CFI: variants seen among roughly 807,000 people sequenced by gnomAD.
The protein encoded by CFI is complement factor I.
Under a neutral mutation model 78.8 loss-of-function variants are expected in CFI, and 66 were observed. The observed-to-expected ratio is 0.84, with a 90% CI of 0.69 to 1.03. CFI has a LOEUF of 1.03. CFI is among the 50% of genes least tolerant of loss of function. The pLI is 0.00. For synonymous variants in CFI, 250 were observed against 232.6 expected, an observed-to-expected ratio of 1.07 and a Z score of -0.68; for missense variants, 706 against 704.5, an observed-to-expected ratio of 1.00 and a Z score of -0.02.
At chr4:109,795,362 T>C (rs115620342) in intron 1 of CFI, among the ~76,000 whole-genome samples, 203 of 152,292 alleles carry the variant, frequency 1.3e-3, no homozygotes, top group African/African-American at 4.6e-3. Context: ...GCTGACTGAT[T>C]TGTGAAAGAC....
chr4:109,795,429 T>G (rs1447812819), intron 1 of CFI, among the ~76,000 whole-genome samples: 1 of 152,034 alleles, frequency 6.6e-6, no homozygotes, highest in Non-Finnish European at 1.5e-5. Flanking sequence ...TCTTCAAACA[T>G]CCAGACATTA....
the CFI span, among the ~76,000 whole-genome samples, chr4:109,732,725 C>T: frequency 1.3e-5 from 2 of 151,716 alleles, no homozygotes; most frequent in African/African-American, 2.4e-5. Flanking sequence ...GGCATGGTGG[C>T]GGGCACCTGT....
chr4:109,774,046 T>C (rs1375478665), intron 1 of CFI, among the ~76,000 whole-genome samples: 2 of 152,234 alleles, frequency 1.3e-5, no homozygotes, highest in Admixed American at 1.3e-4. Context: ...TTTATTGATT[T>C]ATATGTTTTA....
intron 7 of CFI, 109 bp from the exon 8 acceptor site, chr4:109,752,612 C>T: frequency 1.1e-6 from 1 of 914,384 alleles, no homozygotes; most frequent in Non-Finnish European, 1.7e-6. Flanking sequence ...AAAACTTATC[C>T]TCCCTTTTAT....
At chr4:109,767,982 G>T (rs1727997485) in intron 1 of CFI, among the ~76,000 whole-genome samples, 1 of 151,822 alleles carries the variant, frequency 6.6e-6, no homozygotes, top group Non-Finnish European at 1.5e-5. Context: ...GTCCTTTGTA[G>T]GGACATGGAT....
chr4:109,790,490 T>C (rs1366336925), intron 1 of CFI, among the ~76,000 whole-genome samples: 1 of 152,104 alleles, frequency 6.6e-6, no homozygotes, highest in African/African-American at 2.4e-5. Context: ...GTTATGTAGG[T>C]AAACTCGTGT....
intron 11 of CFI, 133 bp downstream of exon 11, chr4:109,746,089 A>G (rs1724378066): frequency 1.8e-6 from 2 of 1,105,834 alleles, no homozygotes; most frequent in African/African-American, 3.1e-5. Context: ...GAAGCCAGCC[A>G]TGGCTGGATG....
chr4:109,759,936 T>TACAAACAA (rs56874026), intron 6 of CFI, among the ~76,000 whole-genome samples: 5 of 151,858 alleles, frequency 3.3e-5, no homozygotes, highest in Admixed American at 1.3e-4. Context: ...CCAACAAACA[T>TACAAACAA]ACAAACAAAC....
chr4:109,736,320 A>C (rs546574250), downstream of CFI, among the ~76,000 whole-genome samples: 1 of 152,290 alleles, frequency 6.6e-6, no homozygotes, highest in East Asian at 1.9e-4. Context: ...AGTCAGCCTA[A>C]TACAGGAAAG....
In CFI at chr4:109,766,724, C is replaced by T. The variant is rs1727807483; in HGVS notation, c.158G>A (p.Arg53Lys). The T allele has an allele frequency of 6.2e-7, 1 of 1,614,214 alleles. No homozygotes were observed. The highest frequency in any genetic ancestry group is 1.1e-5 in the South Asian group (1 of 91,090). Residue 53 changes from arginine (R) to lysine (K), a missense_variant, in exon 2 of 13, where the codon AGA becomes AAA. Arg to Lys is a conservative substitution (Grantham distance 26). Transcript: ENST00000394634. ...ACAAACACAGGTGCCCTCAATGCAT[C>T]TCTGCCATGGCTGGCAGAAGACTTT... ...CDKVFCQPWQ[R>K]CIEGTCVCKL...
chr4:109,784,584 AC>A (rs1250910822), intron 1 of CFI, among the ~76,000 whole-genome samples: 2 of 152,148 alleles, frequency 1.3e-5, no homozygotes, highest in Admixed American at 6.6e-5. Flanking sequence ...CCAATGAAAA[AC>A]AAAAAATGTC....
chr4:109,745,789 A>G (rs1724335059), intron 11 of CFI, among the ~76,000 whole-genome samples: 1 of 152,130 alleles, frequency 6.6e-6, no homozygotes. Flanking sequence ...TCTCCCCAAC[A>G]AATCCAAACA....
chr4:109,771,648 A>G, intron 1 of CFI, among the ~76,000 whole-genome samples: 1 of 128,016 alleles, frequency 7.8e-6, no homozygotes, highest in Non-Finnish European at 1.6e-5. Context: ...AAGGAGGTGG[A>G]GGTTGCAGTG....
intron 1 of CFI, among the ~76,000 whole-genome samples, chr4:109,790,505 G>A (rs1277983007): frequency 1.3e-5 from 2 of 151,966 alleles, no homozygotes; most frequent in African/African-American, 4.8e-5. Flanking sequence ...TCGTGTCATG[G>A]GGGTTTGTTG....
At position 109,749,672 on chromosome 4, in the gene CFI, T is replaced by G. The variant is rs575334398; in HGVS notation, c.941-70A>C. 14 of 951,236 alleles carry G rather than the reference T, an allele frequency of 1.5e-5. No homozygotes were observed. In the South Asian group the frequency reaches 1.8e-4, roughly 12 times the overall value. 58.9% of individuals were successfully genotyped at this position (951,236 alleles called of 1,614,324 possible). A position where few individuals can be genotyped will look rare whatever the true frequency, so the allele number is the denominator to read the frequency against. On this transcript the variant is annotated intron_variant, in intron 8 of 12. Transcript: ENST00000394634. ...TAGCGTTTTTAACACACTTCTTGAT[T>G]ATCTATGCCACAAAAACAGGAGAGT...
intron 1 of CFI, among the ~76,000 whole-genome samples, chr4:109,773,480 C>A (rs1047970813): frequency 2.0e-5 from 3 of 152,204 alleles, no homozygotes; most frequent in Non-Finnish European, 2.9e-5. Context: ...CGCGCCACTG[C>A]ACTCCAGCCT....
chr4:109,792,878 C>A (rs1443225870), intron 1 of CFI, among the ~76,000 whole-genome samples: 1 of 152,134 alleles, frequency 6.6e-6, no homozygotes, highest in Admixed American at 6.5e-5. Context: ...CTTTAGACAG[C>A]ATATAGTTGG....
intron 3 of CFI, among the ~76,000 whole-genome samples, chr4:109,763,007 C>A (rs1174270219): frequency 6.6e-6 from 1 of 152,006 alleles, no homozygotes; most frequent in African/African-American, 2.4e-5. Flanking sequence ...CTTAATTTAA[C>A]AATATAAGAG....
At chr4:109,736,766 C>T (rs1723394485), downstream of CFI, among the ~76,000 whole-genome samples, 1 of 152,170 alleles carries the variant, frequency 6.6e-6, no homozygotes, top group South Asian at 2.1e-4. Flanking sequence ...AATTAGGGTT[C>T]CTGGCTACTT....
Sources: gnomAD v4.1 joint callset for allele counts (sites outside exome capture counted in the v4.1 genomes callset) on GRCh38, gnomAD v4.1.1 for gene constraint, MANE v1.5 for transcripts, NCBI Gene and HGNC (gene_info 2026-07-23, HGNC 2026-07-21) for gene names.